CAST: variants seen among roughly 807,000 people sequenced by gnomAD.
CAST encodes MIR583 host.
CAST carries 76 observed loss-of-function variants against 119.6 expected under a neutral mutation model. That is an observed-to-expected ratio of 0.64 (90% CI 0.53 to 0.77). The LOEUF is 0.77. Ranked by LOEUF, CAST falls within the 30% of genes least tolerant of loss-of-function variation. The probability of loss-of-function intolerance (pLI) is 0.00; values close to 1 mark genes in which losing one functional copy is unlikely to be tolerated. For missense variants in CAST, 953 were observed against 946.5 expected (o/e 1.01, Z -0.09); for synonymous variants, 319 against 331.6 (o/e 0.96, Z 0.41).
chr5:96,288,453 T>C, the CAST span, among the ~76,000 whole-genome samples: 4 of 152,164 alleles, frequency 2.6e-5, no homozygotes, highest in Non-Finnish European at 5.9e-5. Context: ...TTCCTCAGGT[T>C]TGCAATAAGC....
chr5:96,413,985 A>C, the CAST span, among the ~76,000 whole-genome samples: 1 of 148,596 alleles, frequency 6.7e-6, no homozygotes, highest in African/African-American at 2.5e-5. Flanking sequence ...AAAAAAAAAA[A>C]AAAATTAGCC....
intron 2 of CAST, among the ~76,000 whole-genome samples, chr5:96,676,158 A>T (rs1255608705): frequency 6.6e-6 from 1 of 152,188 alleles, no homozygotes; most frequent in African/African-American, 2.4e-5. Context: ...GTTTAGAATG[A>T]CCTACTTCTC....
chr5:96,434,074 T>A, the CAST span: 1 of 152,058 alleles, frequency 6.6e-6, no homozygotes, highest in Non-Finnish European at 1.5e-5. Flanking sequence ...ACCTCGACTT[T>A]CCATTGTGCC....
At chr5:96,497,812 G>T in the CAST span, among the ~76,000 whole-genome samples, 1 of 152,178 alleles carries the variant, frequency 6.6e-6, no homozygotes, top group South Asian at 2.1e-4. Context: ...TCTGCAGGTT[G>T]CCTGTTCACT....
At chr5:96,664,301 G>T (rs958034699) in intron 1 of CAST, among the ~76,000 whole-genome samples, 1 of 150,876 alleles carries the variant, frequency 6.6e-6, no homozygotes, top group African/African-American at 2.5e-5. Context: ...CAGTGTGTGT[G>T]CATATATATA....
the CAST span, among the ~76,000 whole-genome samples, chr5:96,334,586 G>A: frequency 6.6e-6 from 1 of 152,098 alleles, no homozygotes; most frequent in Non-Finnish European, 1.5e-5. Context: ...TCACCCCCAC[G>A]GTCCTGTCAC....
chr5:96,729,188 A>G lies in CAST; in HGVS notation c.414A>G (p.Gly138=), dbSNP rs1276955732. 1 of 1,598,736 alleles carries G rather than the reference A, an allele frequency of 6.3e-7. No individual in the cohort carries two copies. Among genetic ancestry groups the G allele is most frequent in the East Asian group, 2.2e-5 (1 of 44,682 alleles). ...SVVHEKKSQE[G]KPKEHTEPKS... ...TTCATGAGAAAAAATCCCAAGAAGG[A>G]AAGCCAAAAGAACACACAGAGGTAA... is the stretch of plus-strand genomic sequence containing the variant. Residue 138 remains glycine, a synonymous_variant, in exon 7 of 32, where the codon GGA becomes GGG. Transcript: ENST00000675179.
At chr5:96,492,813 G>T in the CAST span, among the ~76,000 whole-genome samples, 19 of 152,162 alleles carry the variant, frequency 1.2e-4, no homozygotes, top group Non-Finnish European at 1.9e-4. Flanking sequence ...CTAAAGAGAG[G>T]CCCCATGCCA....
the CAST span, among the ~76,000 whole-genome samples, chr5:96,338,128 G>A: frequency 6.6e-6 from 1 of 152,248 alleles, no homozygotes; most frequent in African/African-American, 2.4e-5. Flanking sequence ...CACAACAATT[G>A]TTAGACCATA....
the CAST span, among the ~76,000 whole-genome samples, chr5:96,161,565 T>TA: frequency 1.3e-5 from 2 of 152,190 alleles, no homozygotes; most frequent in Non-Finnish European, 2.9e-5. Flanking sequence ...GCAGGAGGTA[T>TA]GAGTCCTACT....
At chr5:96,505,507 T>C in the CAST span, among the ~76,000 whole-genome samples, 1 of 152,038 alleles carries the variant, frequency 6.6e-6, no homozygotes, top group Non-Finnish European at 1.5e-5. Context: ...AAATAAAATC[T>C]AAGGAAAAGG....
the CAST span, among the ~76,000 whole-genome samples, chr5:96,389,219 T>C: frequency 1.3e-5 from 2 of 152,138 alleles, no homozygotes; most frequent in Non-Finnish European, 2.9e-5. Flanking sequence ...TATTACATAC[T>C]GGAAATTTGC....
the CAST span, among the ~76,000 whole-genome samples, chr5:96,086,803 G>A: frequency 2.0e-5 from 3 of 152,142 alleles, no homozygotes; most frequent in Admixed American, 1.3e-4. Flanking sequence ...GAGATGGTTA[G>A]CCCTACCCTT....
chr5:96,099,077 T>C, the CAST span, among the ~76,000 whole-genome samples: 1 of 152,226 alleles, frequency 6.6e-6, no homozygotes, highest in Non-Finnish European at 1.5e-5. Context: ...TTTATTCTTT[T>C]TGTGGCAATT....
the CAST span, among the ~76,000 whole-genome samples, chr5:96,486,983 C>T: frequency 6.6e-6 from 1 of 151,456 alleles, no homozygotes; most frequent in Non-Finnish European, 1.5e-5. Context: ...AATTTCTTGA[C>T]TCTTTCCAAC....
the CAST span, among the ~76,000 whole-genome samples, chr5:96,070,914 T>C: frequency 1.3e-5 from 2 of 152,010 alleles, no homozygotes; most frequent in Non-Finnish European, 2.9e-5. Context: ...TGGGGAGGTA[T>C]AAGGAGAATC....
chr5:96,456,281 A>T, the CAST span, among the ~76,000 whole-genome samples: 1 of 152,252 alleles, frequency 6.6e-6, no homozygotes, highest in Admixed American at 6.5e-5. Context: ...TGGAAACTAA[A>T]TCAAAGTGTT....
the CAST span, among the ~76,000 whole-genome samples, chr5:96,108,478 C>T: frequency 3.5e-3 from 533 of 150,642 alleles, 2 homozygotes; most frequent in African/African-American, 4.5e-3. Flanking sequence ...TTGGAGTACC[C>T]GGCCGTGTGA....
chr5:96,080,483 G>C, the CAST span, among the ~76,000 whole-genome samples: 1 of 152,132 alleles, frequency 6.6e-6, no homozygotes, highest in African/African-American at 2.4e-5. Context: ...CTGACCATAG[G>C]TATAAGTGAA....
Sources: allele counts gnomAD v4.1 joint callset (sites outside exome capture counted in the v4.1 genomes callset), GRCh38; gene constraint gnomAD v4.1.1; transcripts MANE v1.5; gene names NCBI Gene and HGNC (gene_info 2026-07-23, HGNC 2026-07-21).